The following ARHGEF12 variants were observed in gnomAD, a reference collection of about 807,000 sequenced individuals.
ARHGEF12 encodes KMT2A/ARHGEF12 fusion protein.
A neutral mutation model predicts 211.2 loss-of-function variants in ARHGEF12; 66 were observed. That is an observed-to-expected ratio of 0.31 (90% CI 0.26 to 0.38). The LOEUF (loss-of-function observed/expected upper bound fraction) is 0.38. ARHGEF12 is among the 10% of genes least tolerant of loss of function. ARHGEF12 has a pLI of 1.00. For missense variants in ARHGEF12, 1,429 were observed against 1,869.5 expected (o/e 0.76, Z 4.34); for synonymous variants, 592 against 638.4 (o/e 0.93, Z 1.09).
chr11:120,380,135 T>G (rs1224466345), intron 1 of ARHGEF12, among the ~76,000 whole-genome samples: 1 of 152,230 alleles, frequency 6.6e-6, no homozygotes, highest in Non-Finnish European at 1.5e-5. Context: ...GTACCCACTA[T>G]TCTGACTTCT....
At chr11:120,393,199 C>T (rs904113034) in intron 1 of ARHGEF12, among the ~76,000 whole-genome samples, 1 of 151,948 alleles carries the variant, frequency 6.6e-6, no homozygotes, top group African/African-American at 2.4e-5. Context: ...AATTTAAAAT[C>T]TAGTGAGAGA....
chr11:120,432,106 C>T (rs1008390757), intron 11 of ARHGEF12, among the ~76,000 whole-genome samples, 195 bp downstream of exon 11: 4 of 151,990 alleles, frequency 2.6e-5, no homozygotes, highest in African/African-American at 9.7e-5. Flanking sequence ...TCACTTTTTC[C>T]CTTGAACACC....
At chr11:120,454,401 C>T (rs1429770633) in intron 22 of ARHGEF12, among the ~76,000 whole-genome samples, 1 of 152,076 alleles carries the variant, frequency 6.6e-6, no homozygotes. Context: ...TACTTGGGGA[C>T]ATTAAAGAAG....
chr11:120,452,966 C>T (rs1037010605), intron 22 of ARHGEF12, among the ~76,000 whole-genome samples: 4 of 151,310 alleles, frequency 2.6e-5, no homozygotes, highest in African/African-American at 9.7e-5. Context: ...TGCCAATGCA[C>T]TCCAGCCTGG....
chr11:120,417,865 A>T (rs1391410202), intron 4 of ARHGEF12, among the ~76,000 whole-genome samples: 1 of 152,184 alleles, frequency 6.6e-6, no homozygotes, highest in East Asian at 1.9e-4. Context: ...TGATTTATAT[A>T]TTCATATCCT....
chr11:120,447,133 A>G (rs1400176355), intron 18 of ARHGEF12, 48 bp downstream of exon 18: 2 of 1,592,578 alleles, frequency 1.3e-6, no homozygotes, highest in Non-Finnish European at 1.7e-6. Flanking sequence ...CTGAGATACT[A>G]GTTATGCTTG....
intron 4 of ARHGEF12, among the ~76,000 whole-genome samples, chr11:120,414,396 A>AT (rs545622378): frequency 3.0e-4 from 45 of 150,724 alleles, no homozygotes; most frequent in African/African-American, 1.1e-3. Context: ...CAAGGCTGTG[A>AT]TTTTTTTTCT....
chr11:120,374,406 G>C (rs1260222029), intron 1 of ARHGEF12, among the ~76,000 whole-genome samples: 1 of 152,126 alleles, frequency 6.6e-6, no homozygotes, highest in Non-Finnish European at 1.5e-5. Flanking sequence ...AAAAAGTAGG[G>C]GGGTACTTCT....
intron 1 of ARHGEF12, among the ~76,000 whole-genome samples, chr11:120,381,409 C>T (rs1943874287): frequency 6.6e-6 from 1 of 152,170 alleles, no homozygotes; most frequent in African/African-American, 2.4e-5. Context: ...AACCTATGTA[C>T]ACATGAAAAG....
In ARHGEF12 at chr11:120,470,222, A is replaced by G. The variant is rs576759030; in HGVS notation, c.2955+834A>G. On this transcript the variant is annotated intron_variant, in intron 30 of 40. Coordinates refer to ENST00000397843, the MANE Select transcript of ARHGEF12 (RefSeq NM_015313.3). ...TTTTCATTATCTGAACTAGTACTCT[A>G]TGGAGAATGAGTTGAAGAAGGGTGG... Among the ~76,000 whole-genome samples the G allele has an allele frequency of 1.5e-4, 23 of 152,348 alleles. No homozygotes were observed. The South Asian group carries it at 2.7e-3, about 18-fold the overall frequency.
intron 1 of ARHGEF12, among the ~76,000 whole-genome samples, chr11:120,338,106 G>T (rs1942413057): frequency 6.6e-6 from 1 of 152,102 alleles, no homozygotes; most frequent in South Asian, 2.1e-4. Flanking sequence ...TTGTTTATAG[G>T]GTAAGGGATA....
chr11:120,468,947 A>G (rs1461084304), intron 29 of ARHGEF12, among the ~76,000 whole-genome samples: 2 of 152,184 alleles, frequency 1.3e-5, no homozygotes, highest in East Asian at 3.8e-4. Context: ...AGGGATTTCC[A>G]TTTATATTAT....
In ARHGEF12 at chr11:120,451,615, T is replaced by G; in HGVS notation, c.1947T>G (p.Ser649Arg). The G allele has an allele frequency of 1.2e-6, 2 of 1,613,742 alleles. No individual in the cohort carries two copies. The highest frequency in any genetic ancestry group is 1.7e-6 in the Non-Finnish European group (2 of 1,179,938). ...AGGACTCTGCCAAGTTGCGCCAGAGTGGGTTAGCAAATGAAGGAACAGACG... is the reference window on the plus strand; with the variant it reads ...AGGACTCTGCCAAGTTGCGCCAGAGGGGGTTAGCAAATGAAGGAACAGACG... The part of the protein sequence containing the change: ...EPQDSAKLRQ[S>R]GLANEGTDAG... Residue 649 changes from serine to arginine, a missense_variant, in exon 22 of 41, where the codon AGT (serine) becomes AGG (arginine). By Grantham distance (110) the Ser-to-Arg change is moderately radical. Coordinates refer to ENST00000397843, the MANE Select transcript of ARHGEF12 (RefSeq NM_015313.3).
intron 5 of ARHGEF12, among the ~76,000 whole-genome samples, 173 bp downstream of exon 5, chr11:120,421,024 AT>A (rs902925565): frequency 7.3e-5 from 11 of 151,710 alleles, no homozygotes; most frequent in African/African-American, 2.2e-4. Flanking sequence ...ACTCCAGTTG[AT>A]TTTTTTTTGT....
intron 1 of ARHGEF12, among the ~76,000 whole-genome samples, chr11:120,351,436 TATATATATATA>T (rs1942952999): frequency 2.8e-4 from 1 of 3,616 alleles, no homozygotes; most frequent in African/African-American, 1.4e-3. Flanking sequence ...TATATATATA[TATATATATATA>T]TATATATATT....
chr11:120,380,314 C>A (rs549135939), intron 1 of ARHGEF12, among the ~76,000 whole-genome samples: 1 of 152,258 alleles, frequency 6.6e-6, no homozygotes, highest in Admixed American at 6.5e-5. Context: ...ACTAAGAAAC[C>A]AACCTTAGTA....
intron 6 of ARHGEF12, among the ~76,000 whole-genome samples, chr11:120,422,187 G>T (rs1945212236): frequency 6.6e-6 from 1 of 152,176 alleles, no homozygotes; most frequent in Non-Finnish European, 1.5e-5. Flanking sequence ...CACCTGAAAT[G>T]CTCCCAACTC....
chr11:120,361,266 TG>T (rs150410426), intron 1 of ARHGEF12, among the ~76,000 whole-genome samples: 2,613 of 152,304 alleles, frequency 0.017, 85 homozygotes, highest in African/African-American at 0.06. Context: ...GTCAGATTGC[TG>T]GGGACGCATT....
intron 1 of ARHGEF12, among the ~76,000 whole-genome samples, chr11:120,340,196 T>C (rs954174129): frequency 1.3e-5 from 2 of 152,334 alleles, no homozygotes; most frequent in African/African-American, 4.8e-5. Flanking sequence ...TACATGTCTT[T>C]CTTGTATCCC....
Sources: gnomAD v4.1 joint callset for allele counts (sites outside exome capture counted in the v4.1 genomes callset) on GRCh38, gnomAD v4.1.1 for gene constraint, MANE v1.5 for transcripts, NCBI Gene and HGNC (gene_info 2026-07-23, HGNC 2026-07-21) for gene names.